Variants in VKORC1L1 observed in about 807,000 individuals in gnomAD.
VKORC1L1 encodes the protein vitamin K epoxide reductase complex subunit 1-like protein 1.
Under a neutral mutation model 18.9 loss-of-function variants are expected in VKORC1L1, and 2 were observed. That is an observed-to-expected ratio of 0.11 (90% confidence interval 0.04 to 0.33). The LOEUF is 0.33. VKORC1L1 is among the 10% of genes least tolerant of loss of function. The pLI, the probability that VKORC1L1 is intolerant of heterozygous loss-of-function variation, is 1.00. For synonymous variants in VKORC1L1, 96 were observed against 100.0 expected, an observed-to-expected ratio of 0.96 and a Z score of 0.24; for missense variants, 123 against 224.1, an observed-to-expected ratio of 0.55 and a Z score of 2.88.
At chr7:65,886,847 T>TTTG (rs1322198338) in intron 1 of VKORC1L1, among the ~76,000 whole-genome samples, 29 of 131,884 alleles carry the variant, frequency 2.2e-4, no homozygotes, top group African/African-American at 7.7e-4. Flanking sequence ...GAGTTTTTTT[T>TTTG]TTTTTTTTTT....
chr7:65,920,930 GAAA>G (rs893143066), intron 1 of VKORC1L1, among the ~76,000 whole-genome samples: 43 of 152,042 alleles, frequency 2.8e-4, no homozygotes, highest in African/African-American at 9.9e-4. Flanking sequence ...GAGAAGGAAA[GAAA>G]GAAGAAAGAA....
the VKORC1L1 span, among the ~76,000 whole-genome samples, chr7:65,866,013 G>A: frequency 1.3e-4 from 20 of 151,978 alleles, no homozygotes; most frequent in South Asian, 1.3e-3. Context: ...CCAGCTACTC[G>A]AGGGGCTAAG....
In VKORC1L1 at chr7:65,955,835, T is replaced by TA. The variant is rs1183578475; in HGVS notation, c.*1536dup. ...TGTTGAAAATAGTCAATGAGACCAG[T>TA]ATCTCTTGAGTGCTTTATTTGCCTT... is the stretch of plus-strand genomic sequence containing the variant. On this transcript the variant is annotated 3_prime_UTR_variant, in exon 3 of 3. Transcript: ENST00000360768. 1 of 152,224 alleles carries TA rather than the reference T, an allele frequency of 6.6e-6. No homozygotes were observed. The allele number at this position is 152,224 out of a possible 1,614,324, so 9.4% of individuals were successfully genotyped here.
chr7:65,865,965 C>G, the VKORC1L1 span, among the ~76,000 whole-genome samples: 1 of 151,812 alleles, frequency 6.6e-6, no homozygotes, highest in South Asian at 2.1e-4. Context: ...ACTAAAAGTA[C>G]AAAAATTAGC....
At chr7:65,953,982 C>A in intron 2 of VKORC1L1, 92 bp from the exon 3 acceptor site, 1 of 1,167,028 alleles carries the variant, frequency 8.6e-7, no homozygotes, top group Non-Finnish European at 1.2e-6. Flanking sequence ...TATTCAAACA[C>A]TGCAGCAAGT....
At chr7:65,925,925 T>C (rs1459567425) in intron 1 of VKORC1L1, among the ~76,000 whole-genome samples, 1 of 151,912 alleles carries the variant, frequency 6.6e-6, no homozygotes, top group Admixed American at 6.6e-5. Flanking sequence ...ACCCTAGAAG[T>C]AGGAGGCTGG....
chr7:65,923,572 AAC>A (rs1241363287), intron 1 of VKORC1L1, among the ~76,000 whole-genome samples: 3 of 152,160 alleles, frequency 2.0e-5, no homozygotes, highest in Admixed American at 6.6e-5. Context: ...GTTATATGGA[AAC>A]ACACCTCCAA....
intron 1 of VKORC1L1, among the ~76,000 whole-genome samples, chr7:65,882,835 G>A (rs1016167943): frequency 6.6e-6 from 1 of 152,090 alleles, no homozygotes; most frequent in African/African-American, 2.4e-5. Context: ...CGACTACCAA[G>A]TATTCATTCC....
intron 1 of VKORC1L1, among the ~76,000 whole-genome samples, chr7:65,913,662 G>A (rs549054358): frequency 6.8e-6 from 1 of 146,016 alleles, no homozygotes; most frequent in Non-Finnish European, 1.5e-5. Flanking sequence ...GGAGGTTGGA[G>A]GTTGTGGTGA....
intron 1 of VKORC1L1, among the ~76,000 whole-genome samples, chr7:65,891,298 A>C (rs1365958112): frequency 2.0e-5 from 3 of 152,054 alleles, no homozygotes; most frequent in Admixed American, 6.6e-5. Context: ...GTATATATCT[A>C]GGAGTGGATT....
intron 1 of VKORC1L1, among the ~76,000 whole-genome samples, chr7:65,943,786 ACT>A (rs1420449689): frequency 6.6e-6 from 1 of 151,966 alleles, no homozygotes; most frequent in African/African-American, 2.4e-5. Flanking sequence ...CAATAGTGAA[ACT>A]CTGTCTGAAA....
chr7:65,879,841 CCTTT>C (rs975013755), intron 1 of VKORC1L1, among the ~76,000 whole-genome samples: 20 of 137,038 alleles, frequency 1.5e-4, no homozygotes, highest in Non-Finnish European at 2.8e-4. Flanking sequence ...TTTTTTCTTT[CCTTT>C]CTTTTCTTTC....
intron 1 of VKORC1L1, among the ~76,000 whole-genome samples, chr7:65,919,179 C>A (rs990820535): frequency 6.6e-6 from 1 of 152,220 alleles, no homozygotes; most frequent in Non-Finnish European, 1.5e-5. Flanking sequence ...CATAGTCCTA[C>A]ACTACCTGTT....
At position 65,873,345 on chromosome 7, in the gene VKORC1L1, G is replaced by T; in HGVS notation, c.-27G>T. 1 of 1,470,762 alleles carries T rather than the reference G, an allele frequency of 6.8e-7. No homozygotes were observed. Among genetic ancestry groups the T allele is most frequent in the Non-Finnish European group, 9.0e-7 (1 of 1,111,494 alleles). 91.1% of individuals were successfully genotyped at this position (1,470,762 alleles called of 1,614,324 possible). On this transcript the variant is annotated 5_prime_UTR_variant, in exon 1 of 3. The change creates a premature stop within an existing upstream ORF in the 5' untranslated region. Transcript: ENST00000360768. ...GGCGGCGGCTGAGGTGGAGGCGGAG[G>T]GAGGCGGCGGCGGCGGCGGCGGGAA...
chr7:65,942,353 A>G (rs981002977), intron 1 of VKORC1L1, among the ~76,000 whole-genome samples: 4 of 151,390 alleles, frequency 2.6e-5, no homozygotes, highest in African/African-American at 9.7e-5. Context: ...CTAGCCTGAC[A>G]TGGTGGCGGG....
intron 1 of VKORC1L1, among the ~76,000 whole-genome samples, chr7:65,924,123 G>A (rs980515051): frequency 1.3e-5 from 2 of 152,270 alleles, no homozygotes; most frequent in Admixed American, 6.5e-5. Flanking sequence ...TGATCTAGCC[G>A]GGGTAGGCTT....
chr7:65,928,485 A>T (rs1789804151), intron 1 of VKORC1L1, among the ~76,000 whole-genome samples: 1 of 152,180 alleles, frequency 6.6e-6, no homozygotes, highest in Non-Finnish European at 1.5e-5. Flanking sequence ...AATATCACTT[A>T]AATGGAATTT....
intron 1 of VKORC1L1, among the ~76,000 whole-genome samples, chr7:65,923,475 TTGAA>T (rs1789712107): frequency 6.6e-6 from 1 of 151,934 alleles, no homozygotes; most frequent in South Asian, 2.1e-4. Flanking sequence ...AACAGCTTCC[TTGAA>T]TGAGAGCGTG....
At chr7:65,931,183 GT>G (rs1043731660) in intron 1 of VKORC1L1, among the ~76,000 whole-genome samples, 11 of 148,626 alleles carry the variant, frequency 7.4e-5, no homozygotes, top group Admixed American at 3.4e-4. Context: ...GTCTGTGGTG[GT>G]TTTTTTTTTC....
Sources: gnomAD v4.1 joint callset for allele counts (sites outside exome capture counted in the v4.1 genomes callset) on GRCh38, gnomAD v4.1.1 for gene constraint, MANE v1.5 for transcripts, NCBI Gene and HGNC (gene_info 2026-07-23, HGNC 2026-07-21) for gene names.